CEP104: variants seen among roughly 807,000 people sequenced by gnomAD.
CEP104 encodes the protein centrosomal protein 104, also known as centrosomal protein of 104 kDa.
CEP104 carries 84 observed loss-of-function variants against 113.3 expected under a neutral mutation model. The ratio of observed to expected loss-of-function variants is 0.74; its 90% confidence interval spans 0.62 to 0.89. The LOEUF (loss-of-function observed/expected upper bound fraction) is 0.89. Among genes scored for constraint, CEP104 ranks in the 40% least tolerant of loss-of-function variants. The pLI, the probability that CEP104 is intolerant of heterozygous loss-of-function variation, is 0.00. For synonymous variants in CEP104, 378 were observed against 421.7 expected (o/e 0.90, Z 1.27); for missense variants, 1,053 against 1,156.6 (o/e 0.91, Z 1.30).
At chr1:3,826,025 G>A (rs1300626142) in intron 17 of CEP104, among the ~76,000 whole-genome samples, 159 bp from the exon 18 acceptor site, 1 of 152,188 alleles carries the variant, frequency 6.6e-6, no homozygotes, top group Non-Finnish European at 1.5e-5. Context: ...TGCAGGGCCC[G>A]GGCTGGGCCT....
intron 20 of CEP104, among the ~76,000 whole-genome samples, chr1:3,818,428 T>G (rs1643912788): frequency 6.6e-6 from 1 of 152,176 alleles, no homozygotes; most frequent in African/African-American, 2.4e-5. Flanking sequence ...TTCCTTGCCA[T>G]GTTGTGAGGA....
chr1:3,831,203 T>G lies in CEP104; in HGVS notation c.1679A>C (p.Glu560Ala), dbSNP rs1644200959. ...TGGAATAATTTGGAGAGACTTAACT[T>G]CTTTAAACAAGGCCATTTCCTATGA... ...NFIQEMALFK[E>A]VKSLQIIPSY... Residue 560 changes from glutamate (E) to alanine (A), a missense_variant, in exon 13 of 22, where the codon GAA becomes GCA. Coordinates refer to ENST00000378230, the MANE Select transcript of CEP104 (RefSeq NM_014704.4). 1 of 1,613,266 alleles carries G rather than the reference T, an allele frequency of 6.2e-7. No homozygotes were observed.
At position 3,819,290 on chromosome 1, in the gene CEP104, C is replaced by T. The variant is rs1366495312; in HGVS notation, c.2572-2920G>A. Among the ~76,000 whole-genome samples, 1 of 152,060 alleles carries T rather than the reference C, an allele frequency of 6.6e-6. No homozygotes were observed. Among genetic ancestry groups the T allele is most frequent in the South Asian group, 2.1e-4 (1 of 4,826 alleles). ...CAAATCCATGGAGACCAAAACTAGA[C>T]ATATGGTCGCCAGGGGCTGGAGAGG... On this transcript the variant is annotated intron_variant, in intron 20 of 21. Coordinates refer to ENST00000378230, the MANE Select transcript of CEP104 (RefSeq NM_014704.4). This position sits in a 1 kb window ranked among gnomAD's most constrained non-coding sequence, Gnocchi z 4.6.
rs186671320 is a variant in CEP104, at chr1:3,817,068, C to T, written c.2572-698G>A. ...TCACGAGGCTGGGCGCGGTGGCTCA[C>T]GCCTGTAATCCCAACACTTTGGGAG... On this transcript the variant is annotated intron_variant, in intron 20 of 21. Coordinates refer to ENST00000378230, the MANE Select transcript of CEP104 (RefSeq NM_014704.4). Among the ~76,000 whole-genome samples, 350 of 152,356 alleles carry T rather than the reference C, an allele frequency of 2.3e-3. 2 individuals carry two copies. The highest frequency in any genetic ancestry group is 3.6e-3 in the Non-Finnish European group (242 of 68,034).
intron 17 of CEP104, 48 bp from the exon 18 acceptor site, chr1:3,825,914 T>C (rs372468485): frequency 2.4e-5 from 31 of 1,280,022 alleles, no homozygotes; most frequent in Non-Finnish European, 3.5e-5. Flanking sequence ...CTAGTTCCAC[T>C]GATGGCCGTT....
At chr1:3,822,952 C>T in intron 20 of CEP104, 2 of 552,154 alleles carry the variant, frequency 3.6e-6, no homozygotes, top group Middle Eastern at 5.1e-4. Flanking sequence ...AGTTGAGGCT[C>T]CTCGATAAAC....
chr1:3,856,079 GA>G, intron 1 of CEP104: 1 of 385,008 alleles, frequency 2.6e-6, no homozygotes, highest in Non-Finnish European at 3.6e-6. Flanking sequence ...ACAAGACTAG[GA>G]AACAAAACTT....
chr1:3,830,096 A>G (rs772114743), intron 13 of CEP104, 99 bp from the exon 14 acceptor site: 15 of 844,068 alleles, frequency 1.8e-5, no homozygotes, highest in Admixed American at 2.4e-5. Flanking sequence ...AAAATAAAAG[A>G]GAAAACATCC....
At position 3,839,658 on chromosome 1, in the gene CEP104, G is replaced by A. The variant is rs751813032; in HGVS notation, c.685C>T (p.Arg229Cys). The change falls in exon 7 of 22, where the codon CGC becomes TGC. Residue 229 changes from arginine (R) to cysteine (C), a missense_variant. Physicochemically the swap from Arg to Cys is radical, Grantham distance 180 (BLOSUM62 -3). Coordinates refer to ENST00000378230, the MANE Select transcript of CEP104 (RefSeq NM_014704.4). Reference protein sequence around the residue: ...ERKREAVQKERYDYAKKLKQA... With the variant: ...ERKREAVQKECYDYAKKLKQA... ...TTTAGTTTCTTGGCATAATCATAGC[G>A]TTCCTTTTGGACAGCTTCCCGTTTT... The A allele has an allele frequency of 1.2e-5, 20 of 1,613,962 alleles. No homozygotes were observed. Among genetic ancestry groups the A allele is most frequent in the South Asian group, 5.5e-5 (5 of 91,038 alleles).
chr1:3,836,304 CA>C lies in CEP104; in HGVS notation c.1317+190del, dbSNP rs34181241. Among the ~76,000 whole-genome samples the C allele has an allele frequency of 6.6e-3, 762 of 114,992 alleles. 9 individuals carry two copies. The highest frequency in any genetic ancestry group is 0.023 in the African/African-American group (676 of 29,370). 75.4% of individuals were successfully genotyped at this position (114,992 alleles called of 152,430 possible). On this transcript the variant is annotated intron_variant, in intron 10 of 21. Transcript: ENST00000378230. Reference sequence around the variant, plus strand: ...CTGGGTGAAGAGCAAGACTCCGTCTCAAAAAAAAAAAAAAAAAAAGTTAACA... The same window carrying C: ...CTGGGTGAAGAGCAAGACTCCGTCTCAAAAAAAAAAAAAAAAAAGTTAACA...
chr1:3,828,390 T>C (rs1170791156), intron 15 of CEP104, among the ~76,000 whole-genome samples: 2 of 152,212 alleles, frequency 1.3e-5, no homozygotes, highest in African/African-American at 4.8e-5. Context: ...CCTTTTCTGA[T>C]TGTGACTCTG....
intron 1 of CEP104, among the ~76,000 whole-genome samples, chr1:3,853,462 T>C (rs184275961): frequency 2.0e-5 from 3 of 152,178 alleles, no homozygotes; most frequent in Admixed American, 2.0e-4. Flanking sequence ...CAGAAAGTTC[T>C]CTGGGATAAG....
intron 20 of CEP104, among the ~76,000 whole-genome samples, chr1:3,821,810 A>C (rs1643979134): frequency 6.6e-6 from 1 of 152,228 alleles, no homozygotes; most frequent in Admixed American, 6.5e-5. Context: ...CCTACGGGGC[A>C]AACAGCTCCT....
rs1331038829 is a variant in CEP104 at position 3,825,078 on chromosome 1, G to A, written c.2364+680C>T. Among the ~76,000 whole-genome samples the A allele has an allele frequency of 2.2e-4, 12 of 55,268 alleles. 1 individual carries two copies. The highest frequency in any genetic ancestry group is 1.1e-3 in the East Asian group (2 of 1,846). The allele number at this position is 55,268 out of a possible 152,430, so 36.3% of individuals were successfully genotyped here. ...AGGGGGCAGTGGCACTGTGGGAAGG[G>A]AGCAGTGGCACTGTGGGAAGGGGGG... is the stretch of plus-strand genomic sequence containing the variant. On this transcript the variant is annotated intron_variant, in intron 18 of 21. Coordinates refer to ENST00000378230, the MANE Select transcript of CEP104 (RefSeq NM_014704.4).
Position 3,819,121 on chromosome 1 carries a change from A to T in CEP104, c.2572-2751T>A, listed in dbSNP as rs1643923572. On this transcript the variant is annotated intron_variant, in intron 20 of 21. Coordinates refer to ENST00000378230, the MANE Select transcript of CEP104 (RefSeq NM_014704.4). The surrounding 1 kb of genome is among the most constrained non-coding windows in gnomAD (Gnocchi z 4.6). Reference sequence around the variant, plus strand: ...TTAGCACAAAAGGACTTTAAAGCAGATACCTAGTATGTTCAAGGACTTGAA... The same window carrying T: ...TTAGCACAAAAGGACTTTAAAGCAGTTACCTAGTATGTTCAAGGACTTGAA... Among the ~76,000 whole-genome samples, 1 of 152,242 alleles carries T rather than the reference A, an allele frequency of 6.6e-6. No individual in the cohort carries two copies. The highest frequency in any genetic ancestry group is 6.5e-5 in the Admixed American group (1 of 15,284).
rs1643839246 is a variant in CEP104, at chr1:3,814,259, A to AG, written c.*1142dup. 6.6e-6 allele frequency: 1 copy of AG among 152,170 alleles called. No individual in the cohort carries two copies. Among genetic ancestry groups the AG allele is most frequent in the Non-Finnish European group, 1.5e-5 (1 of 68,056 alleles). 9.4% of individuals were successfully genotyped at this position (152,170 alleles called of 1,614,324 possible). A position where few individuals can be genotyped will look rare whatever the true frequency, so the allele number is the denominator to read the frequency against. ...TGGGAGCACAGGCTGGGGCAGCGAG[A>AG]GGGTGGATGCTTCCAGACAGACCCT... On this transcript the variant is annotated 3_prime_UTR_variant, in exon 22 of 22. Transcript: ENST00000378230.
At position 3,815,396 on chromosome 1, in the gene CEP104, G is replaced by T; in HGVS notation, c.*6C>A. 6.3e-7 allele frequency: 1 copy of T among 1,599,536 alleles called. No homozygotes were observed. The highest frequency in any genetic ancestry group is 2.2e-5 in the East Asian group (1 of 44,714). ...CTCACAGAGACCAAGGAGCCCGAGC[G>T]CCGCGTCAGCGCTTGGCGTACGTCC... On this transcript the variant is annotated 3_prime_UTR_variant, in exon 22 of 22. Coordinates refer to ENST00000378230, the MANE Select transcript of CEP104 (RefSeq NM_014704.4).
intron 5 of CEP104, 120 bp downstream of exon 5, chr1:3,845,169 T>A: frequency 1.2e-6 from 1 of 866,632 alleles, no homozygotes; most frequent in Non-Finnish European, 1.8e-6. Flanking sequence ...ATCTGAAAGT[T>A]ATTCACTAGT....
intron 8 of CEP104, among the ~76,000 whole-genome samples, chr1:3,838,592 G>A (rs979488128): frequency 1.3e-5 from 2 of 152,194 alleles, no homozygotes; most frequent in Non-Finnish European, 2.9e-5. Context: ...TCAATACACC[G>A]AAGCTGTTAG....
Sources: allele counts gnomAD v4.1 joint callset (sites outside exome capture counted in the v4.1 genomes callset), GRCh38; gene constraint gnomAD v4.1.1; non-coding constraint Gnocchi (gnomAD v3.1); transcripts MANE v1.5; gene names NCBI Gene and HGNC (gene_info 2026-07-23, HGNC 2026-07-21).